Variants in RBFOX2 observed in about 807,000 individuals in gnomAD.
The protein encoded by RBFOX2 is RNA binding fox-1 homolog 2, also known as RNA binding protein fox-1 homolog 2.
RBFOX2 carries 10 observed loss-of-function variants against 49.1 expected under a neutral mutation model. The observed-to-expected ratio is 0.20, with a 90% CI of 0.13 to 0.35. The LOEUF (loss-of-function observed/expected upper bound fraction) is 0.35, where lower values mean the gene tolerates loss of function less well. RBFOX2 is among the 10% of genes least tolerant of loss of function. The pLI is 1.00. For missense variants in RBFOX2, 323 were observed against 486.9 expected (o/e 0.66, Z 3.17); for synonymous variants, 183 against 187.4 (o/e 0.98, Z 0.19).
intron 6 of RBFOX2, among the ~76,000 whole-genome samples, chr22:35,764,606 C>G (rs986144536): frequency 3.3e-5 from 5 of 149,804 alleles, no homozygotes; most frequent in African/African-American, 1.2e-4. Flanking sequence ...AAAAAAAACT[C>G]CAGCAGAAAC....
At chr22:35,825,070 A>G (rs1252470033) in intron 1 of RBFOX2, among the ~76,000 whole-genome samples, 5 of 152,226 alleles carry the variant, frequency 3.3e-5, no homozygotes, top group Admixed American at 3.3e-4. Flanking sequence ...AAATACAAAA[A>G]TTAGCTGGGC....
intron 2 of RBFOX2, among the ~76,000 whole-genome samples, chr22:35,799,941 G>A (rs1011933470): frequency 6.6e-6 from 1 of 151,952 alleles, no homozygotes; most frequent in African/African-American, 2.4e-5. Flanking sequence ...GTGACAGAGT[G>A]AGACCCTACC....
intron 1 of RBFOX2, chr22:35,994,888 G>A (rs2058126064): frequency 6.6e-6 from 1 of 152,154 alleles, no homozygotes; most frequent in Non-Finnish European, 1.5e-5. Context: ...TACACAGCAA[G>A]TCTAGAGGAT....
At chr22:35,750,691 C>T (rs938733586) in intron 9 of RBFOX2, among the ~76,000 whole-genome samples, 1 of 152,222 alleles carries the variant, frequency 6.6e-6, no homozygotes, top group African/African-American at 2.4e-5. Flanking sequence ...AGTGCTTCAT[C>T]GCTCCCCTAT....
intron 1 of RBFOX2, among the ~76,000 whole-genome samples, chr22:35,864,003 T>G (rs948325166): frequency 6.6e-6 from 1 of 152,236 alleles, no homozygotes; most frequent in South Asian, 2.1e-4. Flanking sequence ...AAACTTCTTC[T>G]GCTTCTCAGA....
intron 1 of RBFOX2, among the ~76,000 whole-genome samples, chr22:35,851,405 T>C (rs1255613933): frequency 6.6e-6 from 1 of 152,228 alleles, no homozygotes; most frequent in African/African-American, 2.4e-5. Flanking sequence ...CACAGTTCTG[T>C]TGTCAATGAA....
upstream of RBFOX2, among the ~76,000 whole-genome samples, chr22:35,962,985 A>G (rs2056327913): frequency 1.3e-5 from 2 of 151,494 alleles, no homozygotes; most frequent in South Asian, 4.2e-4. Flanking sequence ...AATGAAAAAA[A>G]TAAGGCACAC....
chr22:35,972,113 A>AT (rs914364401), intron 1 of RBFOX2, among the ~76,000 whole-genome samples: 2 of 151,984 alleles, frequency 1.3e-5, no homozygotes, highest in Admixed American at 1.3e-4. Flanking sequence ...GAGAGCTAGC[A>AT]TCCTCCCTAG....
At chr22:35,879,005 C>T (rs531144298) in intron 1 of RBFOX2, among the ~76,000 whole-genome samples, 1 of 152,342 alleles carries the variant, frequency 6.6e-6, no homozygotes, top group Admixed American at 6.5e-5. Flanking sequence ...GCTGGGATTA[C>T]AGGCATGAGC....
intron 1 of RBFOX2, among the ~76,000 whole-genome samples, chr22:35,933,027 T>C (rs549759865): frequency 6.6e-6 from 1 of 152,308 alleles, no homozygotes; most frequent in Admixed American, 6.5e-5. Context: ...TCCCACATTC[T>C]CCAAAGATTC....
chr22:35,852,102 C>T (rs554183861), intron 1 of RBFOX2, among the ~76,000 whole-genome samples: 2 of 151,914 alleles, frequency 1.3e-5, no homozygotes, highest in South Asian at 4.2e-4. Flanking sequence ...AAATATAATA[C>T]AAATTTTAAA....
intron 1 of RBFOX2, among the ~76,000 whole-genome samples, chr22:35,990,530 G>A (rs943642206): frequency 6.6e-6 from 1 of 152,110 alleles, no homozygotes; most frequent in Non-Finnish European, 1.5e-5. Flanking sequence ...AAAATGAGAC[G>A]CTTGTCTTTA....
At chr22:35,851,007 T>C (rs1402819992) in intron 1 of RBFOX2, among the ~76,000 whole-genome samples, 1 of 152,218 alleles carries the variant, frequency 6.6e-6, no homozygotes, top group Non-Finnish European at 1.5e-5. Flanking sequence ...TGCTTTTGGA[T>C]GATTAAACCA....
At chr22:35,895,841 C>A (rs771472839) in intron 1 of RBFOX2, among the ~76,000 whole-genome samples, 1 of 152,160 alleles carries the variant, frequency 6.6e-6, no homozygotes, top group East Asian at 1.9e-4. Flanking sequence ...GATATAACTA[C>A]GTAAACTGTC....
At position 35,920,656 on chromosome 22, in the gene RBFOX2, T is replaced by A. The variant is rs571543773; in HGVS notation, c.-34+18191A>T. 3.4e-4 allele frequency among the ~76,000 whole-genome samples: 51 copies of A among 152,212 alleles called. No individual in the cohort carries two copies. In the South Asian group the frequency reaches 6.4e-3, roughly 19 times the overall value. ...GTATCCTATTCTTCCTAAAAGCATA[T>A]CATGAAATCAAAACAAGACGGACTT... On this transcript the variant is annotated intron_variant, in intron 1 of 13. Coordinates refer to the RBFOX2 transcript ENST00000359369.
At chr22:35,844,655 C>G (rs111795255), upstream of RBFOX2, among the ~76,000 whole-genome samples, 1 of 148,692 alleles carries the variant, frequency 6.7e-6, no homozygotes, top group African/African-American at 2.5e-5. Context: ...CCACCATGCC[C>G]GGCAGTTTTT....
At chr22:35,909,220 G>C (rs903915659) in intron 1 of RBFOX2, among the ~76,000 whole-genome samples, 1 of 152,154 alleles carries the variant, frequency 6.6e-6, no homozygotes, top group African/African-American at 2.4e-5. Flanking sequence ...CTGCTCAAGA[G>C]GCCAAGGTGA....
At chr22:35,938,364 A>G (rs2053330579) in intron 1 of RBFOX2, among the ~76,000 whole-genome samples, 1 of 152,174 alleles carries the variant, frequency 6.6e-6, no homozygotes, top group South Asian at 2.1e-4. Context: ...TCTAACAAAG[A>G]AAGGTGGCAG....
At chr22:35,858,354 A>C (rs1177666547) in intron 1 of RBFOX2, among the ~76,000 whole-genome samples, 1 of 152,166 alleles carries the variant, frequency 6.6e-6, no homozygotes, top group African/African-American at 2.4e-5. Flanking sequence ...TAAAAATGCT[A>C]CCTTAAATGC....
Sources: allele counts gnomAD v4.1 joint callset (sites outside exome capture counted in the v4.1 genomes callset), GRCh38; gene constraint gnomAD v4.1.1; transcripts MANE v1.5; gene names NCBI Gene and HGNC (gene_info 2026-07-23, HGNC 2026-07-21).